HS3ST4: variants seen among roughly 807,000 people sequenced by gnomAD.
HS3ST4 encodes the protein heparan sulfate glucosamine 3-O-sulfotransferase 4.
In HS3ST4, 17 loss-of-function variants were observed where a neutral mutation model predicts 29.2. The ratio of observed to expected loss-of-function variants is 0.58; its 90% confidence interval spans 0.40 to 0.87. The LOEUF (loss-of-function observed/expected upper bound fraction) is 0.87. HS3ST4 is among the 40% of genes least tolerant of loss of function. The pLI is 0.00. For missense variants in HS3ST4, 627 were observed against 634.5 expected, an observed-to-expected ratio of 0.99 and a Z score of 0.13; for synonymous variants, 314 against 285.7, an observed-to-expected ratio of 1.10 and a Z score of -1.00.
At chr16:26,105,050 C>T (rs765298692) in intron 1 of HS3ST4, among the ~76,000 whole-genome samples, 8 of 152,188 alleles carry the variant, frequency 5.3e-5, no homozygotes, top group South Asian at 2.1e-4. Context: ...CCTTATCCCC[C>T]GAAAGCCTCT....
intron 1 of HS3ST4, among the ~76,000 whole-genome samples, chr16:25,720,639 G>A (rs1361019286): frequency 6.6e-6 from 1 of 152,128 alleles, no homozygotes; most frequent in Non-Finnish European, 1.5e-5. Context: ...GCAAGCCGGG[G>A]TCACTAATCC....
At chr16:26,023,563 C>A (rs1279140740) in intron 1 of HS3ST4, among the ~76,000 whole-genome samples, 2 of 151,988 alleles carry the variant, frequency 1.3e-5, no homozygotes, top group East Asian at 3.9e-4. Flanking sequence ...CCAGGCCTGG[C>A]TAATTTTTTT....
chr16:26,031,500 ACACTC>A (rs1969530538), intron 1 of HS3ST4, among the ~76,000 whole-genome samples: 1 of 152,060 alleles, frequency 6.6e-6, no homozygotes, highest in Non-Finnish European at 1.5e-5. Context: ...ACACTGAAAC[ACACTC>A]CACTCCACTC....
At position 26,096,663 on chromosome 16, in the gene HS3ST4, G is replaced by A. The variant is rs552502162; in HGVS notation, c.735-38949G>A. 3.9e-4 allele frequency among the ~76,000 whole-genome samples: 59 copies of A among 152,250 alleles called. No homozygotes were observed. The South Asian group carries it at 5.4e-3, about 14-fold the overall frequency. The stretch of plus-strand genomic sequence containing the variant: ...CATACAGAATGGGCAAAAACTAGAA[G>A]CATTCCCTTTGAAAACCGGCACAAG... On this transcript the variant is annotated intron_variant, in intron 1 of 1. Transcript: ENST00000331351.
chr16:25,760,754 A>G (rs1435348178), intron 1 of HS3ST4, among the ~76,000 whole-genome samples: 1 of 152,124 alleles, frequency 6.6e-6, no homozygotes, highest in Admixed American at 6.5e-5. Context: ...TACTTCTTCA[A>G]AGGTACTGTC....
intron 1 of HS3ST4, among the ~76,000 whole-genome samples, chr16:26,099,056 T>C (rs1040938377): frequency 6.6e-6 from 1 of 152,200 alleles, no homozygotes; most frequent in African/African-American, 2.4e-5. Context: ...ACATCCACCC[T>C]ATTAGGTAGG....
chr16:25,961,499 T>C (rs1017318031), intron 1 of HS3ST4, among the ~76,000 whole-genome samples: 1 of 152,218 alleles, frequency 6.6e-6, no homozygotes, highest in Non-Finnish European at 1.5e-5. Flanking sequence ...ACTTACTTGG[T>C]GCCCTATCTC....
At chr16:26,060,035 C>T (rs1355868863) in intron 1 of HS3ST4, among the ~76,000 whole-genome samples, 1 of 152,192 alleles carries the variant, frequency 6.6e-6, no homozygotes, top group Admixed American at 6.5e-5. Context: ...GCCCCGGCCT[C>T]TCAACATGCT....
chr16:25,905,467 G>A lies in HS3ST4; in HGVS notation c.734+212316G>A, dbSNP rs572000992. 1.4e-4 allele frequency among the ~76,000 whole-genome samples: 21 copies of A among 152,280 alleles called. No individual in the cohort carries two copies. In the South Asian group the frequency reaches 2.9e-3, roughly 21 times the overall value. On this transcript the variant is annotated intron_variant, in intron 1 of 1. Coordinates refer to ENST00000331351, the MANE Select transcript of HS3ST4 (RefSeq NM_006040.3). Reference sequence around the variant, plus strand: ...TCTAATACCTTGTTTCTCAAAGAGTGGAGTTGGACTAGCAGCACTGGGGTT... The same window carrying A: ...TCTAATACCTTGTTTCTCAAAGAGTAGAGTTGGACTAGCAGCACTGGGGTT...
intron 1 of HS3ST4, among the ~76,000 whole-genome samples, chr16:25,696,435 G>A (rs1274674661): frequency 1.3e-5 from 2 of 152,124 alleles, no homozygotes; most frequent in African/African-American, 4.8e-5. Flanking sequence ...CGGTAACCAT[G>A]ACCACTTTAC....
chr16:26,092,488 T>C (rs180801036), intron 1 of HS3ST4, among the ~76,000 whole-genome samples: 50 of 152,290 alleles, frequency 3.3e-4, no homozygotes, highest in African/African-American at 1.2e-3. Context: ...TCCTACAAGG[T>C]GGGAACATTG....
intron 1 of HS3ST4, among the ~76,000 whole-genome samples, chr16:26,042,787 C>A (rs151310334): frequency 6.6e-6 from 1 of 152,162 alleles, no homozygotes; most frequent in Non-Finnish European, 1.5e-5. Context: ...TCCATTTTCA[C>A]AATTTTCCTC....
rs576019454 is a variant in HS3ST4, at chr16:26,077,413, T to C, written c.735-58199T>C. Among the ~76,000 whole-genome samples, 4 of 152,354 alleles carry C rather than the reference T, an allele frequency of 2.6e-5. No individual in the cohort carries two copies. The East Asian group carries it at 7.7e-4, about 29-fold the overall frequency. ...AGTCTATGGTATCTGGATATCAGCATGGCTCTCTGCCCCTGTCTTTCAGCT... is the reference window on the plus strand; with the variant it reads ...AGTCTATGGTATCTGGATATCAGCACGGCTCTCTGCCCCTGTCTTTCAGCT... On this transcript the variant is annotated intron_variant, in intron 1 of 1. Transcript: ENST00000331351.
intron 1 of HS3ST4, among the ~76,000 whole-genome samples, chr16:26,116,130 G>A (rs1899198433): frequency 1.3e-5 from 2 of 152,174 alleles, no homozygotes; most frequent in Admixed American, 6.5e-5. Context: ...AATGTGTGTG[G>A]TTGTGGGCAG....
intron 1 of HS3ST4, among the ~76,000 whole-genome samples, chr16:25,786,576 T>G (rs187507193): frequency 6.6e-6 from 1 of 152,326 alleles, no homozygotes; most frequent in Non-Finnish European, 1.5e-5. Flanking sequence ...CCTTTCACTA[T>G]ATCCCAATGA....
chr16:26,096,656 A>C (rs375491962), intron 1 of HS3ST4, among the ~76,000 whole-genome samples: 14 of 152,198 alleles, frequency 9.2e-5, no homozygotes, highest in African/African-American at 3.4e-4. Context: ...ATGGGCAAAA[A>C]CTAGAAGCAT....
chr16:25,893,349 G>A (rs1032524167), intron 1 of HS3ST4, among the ~76,000 whole-genome samples: 8 of 152,210 alleles, frequency 5.3e-5, no homozygotes, highest in Non-Finnish European at 1.0e-4. Context: ...TGATGTGATC[G>A]TATTTGCCTT....
At chr16:26,125,057 G>A (rs2141812820) in intron 1 of HS3ST4, among the ~76,000 whole-genome samples, 1 of 152,340 alleles carries the variant, frequency 6.6e-6, no homozygotes, top group Middle Eastern at 3.4e-3. Context: ...ACTCAGAAAA[G>A]CATCACGAAC....
intron 1 of HS3ST4, among the ~76,000 whole-genome samples, chr16:25,726,315 C>CA (rs1966534331): frequency 6.6e-6 from 1 of 151,860 alleles, no homozygotes; most frequent in Non-Finnish European, 1.5e-5. Flanking sequence ...CGTCCACACA[C>CA]ACACACGTAC....
Sources: gnomAD v4.1 joint callset for allele counts (sites outside exome capture counted in the v4.1 genomes callset) on GRCh38, gnomAD v4.1.1 for gene constraint, MANE v1.5 for transcripts, NCBI Gene and HGNC (gene_info 2026-07-23, HGNC 2026-07-21) for gene names.